NRCAM: variants seen among roughly 807,000 people sequenced by gnomAD.
NRCAM encodes neuronal cell adhesion molecule.
In NRCAM, 83 loss-of-function variants were observed where a neutral mutation model predicts 156.5. That is an observed-to-expected ratio of 0.53 (90% CI 0.44 to 0.64). The LOEUF (loss-of-function observed/expected upper bound fraction) is 0.64. NRCAM is among the 30% of genes least tolerant of loss of function. NRCAM has a pLI of 0.00. For missense variants in NRCAM, 1,417 were observed against 1,597.3 expected (o/e 0.89, Z 1.92); for synonymous variants, 538 against 563.9 (o/e 0.95, Z 0.65).
At chr7:108,186,390 T>C (rs2066815675) in intron 20 of NRCAM, among the ~76,000 whole-genome samples, 1 of 152,118 alleles carries the variant, frequency 6.6e-6, no homozygotes, top group Non-Finnish European at 1.5e-5. Context: ...ATTCTAATCT[T>C]CCTCTCCAAT....
At chr7:108,404,536 C>G (rs1456357487) in intron 1 of NRCAM, among the ~76,000 whole-genome samples, 2 of 152,252 alleles carry the variant, frequency 1.3e-5, no homozygotes, top group East Asian at 3.9e-4. Flanking sequence ...TAGTAGGTGG[C>G]AAAACCAAGA....
At chr7:108,210,253 G>GTT (rs199832849) in intron 11 of NRCAM, among the ~76,000 whole-genome samples, 9 of 85,122 alleles carry the variant, frequency 1.1e-4, no homozygotes, top group Non-Finnish European at 5.9e-5. Context: ...GTTTTGTTTT[G>GTT]TTTTTTTTTT....
Position 108,159,492 on chromosome 7 carries a change from C to A in NRCAM, c.3648G>T (p.Lys1216Asn), listed in dbSNP as rs371636126. The A allele has an allele frequency of 5.0e-6, 8 of 1,613,410 alleles. No individual in the cohort carries two copies. The highest frequency in any genetic ancestry group is 6.8e-6 in the Non-Finnish European group (8 of 1,179,520). The change falls in exon 32 of 33, where the codon AAG (lysine) becomes AAT (asparagine). Residue 1216 changes from lysine (K) to asparagine (N), a missense_variant. Physicochemically the swap from Lys to Asn is moderately conservative, Grantham distance 94. Transcript: ENST00000379028. ...AHADPEIQPM[K>N]EDDGTFGEYS... ...ATTCTCCAAATGTCCCATCATCTTC[C>A]TTCATAGGCTGGATTTCAGGGTCAG...
chr7:108,449,060 T>A (rs1395439579), intron 1 of NRCAM, among the ~76,000 whole-genome samples: 1 of 152,176 alleles, frequency 6.6e-6, no homozygotes, highest in Non-Finnish European at 1.5e-5. Flanking sequence ...CACAGGGGCC[T>A]CCCCTTAATT....
intron 8 of NRCAM, among the ~76,000 whole-genome samples, chr7:108,227,198 A>G (rs1199077090): frequency 6.6e-6 from 1 of 152,190 alleles, no homozygotes; most frequent in Admixed American, 6.5e-5. Context: ...TTAAATGTGC[A>G]CTGAAGGATT....
intron 1 of NRCAM, among the ~76,000 whole-genome samples, chr7:108,425,241 A>G (rs1597511196): frequency 6.6e-6 from 1 of 152,230 alleles, no homozygotes; most frequent in African/African-American, 2.4e-5. Flanking sequence ...ATGGAAGAGA[A>G]TAACTCAGAA....
chr7:108,297,785 G>C (rs749334399), intron 3 of NRCAM, among the ~76,000 whole-genome samples: 14 of 152,228 alleles, frequency 9.2e-5, no homozygotes, highest in Non-Finnish European at 2.9e-5. Context: ...CAATGTGTGT[G>C]TGTGCATGCG....
At chr7:108,384,716 C>A (rs2267890) in intron 2 of NRCAM, among the ~76,000 whole-genome samples, 27,096 of 152,210 alleles carry the variant, frequency 0.18, 2,781 homozygotes, top group East Asian at 0.39. Flanking sequence ...TAGGGTAGGA[C>A]CCACAACTTT....
At chr7:108,425,510 T>C (rs1816027250) in intron 1 of NRCAM, among the ~76,000 whole-genome samples, 1 of 152,192 alleles carries the variant, frequency 6.6e-6, no homozygotes, top group Non-Finnish European at 1.5e-5. Flanking sequence ...AATCATAGTG[T>C]GTCCATTTTC....
intron 3 of NRCAM, among the ~76,000 whole-genome samples, chr7:108,295,065 A>ATT (rs1233748173): frequency 6.6e-6 from 1 of 152,236 alleles, no homozygotes; most frequent in Non-Finnish European, 1.5e-5. Context: ...TGAAAAAGTG[A>ATT]TTAAATGATG....
At chr7:108,233,075 T>C (rs1301471405) in intron 6 of NRCAM, among the ~76,000 whole-genome samples, 2 of 152,198 alleles carry the variant, frequency 1.3e-5, no homozygotes, top group Non-Finnish European at 2.9e-5. Context: ...TAACTCTACA[T>C]AAAACATTTT....
At chr7:108,202,540 AT>A (rs2078723970) in intron 13 of NRCAM, among the ~76,000 whole-genome samples, 2 of 152,164 alleles carry the variant, frequency 1.3e-5, no homozygotes, top group South Asian at 4.1e-4. Context: ...GAACGTGAAC[AT>A]TTGGGCATAA....
chr7:108,314,898 A>G (rs1481673731), intron 2 of NRCAM, among the ~76,000 whole-genome samples: 1 of 152,162 alleles, frequency 6.6e-6, no homozygotes, highest in East Asian at 1.9e-4. Context: ...TAAAGATATT[A>G]GAGATGTTTA....
intron 11 of NRCAM, among the ~76,000 whole-genome samples, chr7:108,212,794 A>T (rs2085392280): frequency 6.6e-6 from 1 of 152,210 alleles, no homozygotes; most frequent in African/African-American, 2.4e-5. Flanking sequence ...CCTGAGGAAT[A>T]AGAGAAATCT....
rs949329348 is a variant in NRCAM at position 108,187,910 on chromosome 7, G to A, written c.2035+1735C>T. ...GCAGAGCTTGCAGTGAGCCGAGATC[G>A]CGCCACTGCACTCCAGCCTGGGCAA... is the stretch of plus-strand genomic sequence containing the variant. On this transcript the variant is annotated intron_variant, in intron 20 of 32. Transcript: ENST00000379028. 3.6e-4 allele frequency among the ~76,000 whole-genome samples: 54 copies of A among 152,038 alleles called. 1 individual carries two copies. The highest frequency in any genetic ancestry group is 1.2e-3 in the African/African-American group (50 of 41,442).
At chr7:108,167,447 G>T in intron 29 of NRCAM, among the ~76,000 whole-genome samples, 1 of 140,284 alleles carries the variant, frequency 7.1e-6, no homozygotes, top group Admixed American at 6.7e-5. Context: ...GTGAACTATG[G>T]GAAGAATTGT....
At chr7:108,397,224 A>T (rs2099779242) in intron 2 of NRCAM, among the ~76,000 whole-genome samples, 1 of 152,202 alleles carries the variant, frequency 6.6e-6, no homozygotes, top group South Asian at 2.1e-4. Context: ...TTTCTTGTGT[A>T]TGAAAAAGTG....
intron 3 of NRCAM, among the ~76,000 whole-genome samples, chr7:108,297,374 G>A: frequency 6.6e-6 from 1 of 152,170 alleles, no homozygotes; most frequent in East Asian, 1.9e-4. Flanking sequence ...CAGAATTTGT[G>A]AGTAAGCTGA....
intron 3 of NRCAM, among the ~76,000 whole-genome samples, chr7:108,302,700 C>T (rs1437026756): frequency 6.6e-6 from 1 of 152,152 alleles, no homozygotes; most frequent in Non-Finnish European, 1.5e-5. Flanking sequence ...ACAAATATAT[C>T]TAGCAAAGCA....
Sources: allele counts gnomAD v4.1 joint callset (sites outside exome capture counted in the v4.1 genomes callset), GRCh38; gene constraint gnomAD v4.1.1; transcripts MANE v1.5; gene names NCBI Gene and HGNC (gene_info 2026-07-23, HGNC 2026-07-21).